MLXIPL: variants seen among roughly 807,000 people sequenced by gnomAD.
The protein encoded by MLXIPL is carbohydrate-responsive element-binding protein.
MLXIPL carries 49 observed loss-of-function variants against 81.5 expected under a neutral mutation model. The observed-to-expected ratio is 0.60, with a 90% CI of 0.48 to 0.76. The LOEUF (loss-of-function observed/expected upper bound fraction) is 0.76, where lower values mean the gene tolerates loss of function less well. Among genes scored for constraint, MLXIPL ranks in the 30% least tolerant of loss-of-function variants. MLXIPL has a pLI of 0.00. For synonymous variants in MLXIPL, 466 were observed against 485.5 expected, an observed-to-expected ratio of 0.96 and a Z score of 0.53; for missense variants, 1,053 against 1,167.0, an observed-to-expected ratio of 0.90 and a Z score of 1.42.
intron 5 of MLXIPL, chr7:73,606,641 G>T: frequency 2.8e-6 from 1 of 359,504 alleles, no homozygotes; most frequent in East Asian, 6.6e-5. Context: ...GGCCAGGCTG[G>T]TCTCGAACTC....
chr7:73,599,598 A>C lies in MLXIPL; in HGVS notation c.999T>G (p.Ser333Arg). 1 of 1,612,550 alleles carries C rather than the reference A, an allele frequency of 6.2e-7. No individual in the cohort carries two copies. The highest frequency in any genetic ancestry group is 8.5e-7 in the Non-Finnish European group (1 of 1,179,166). ...GGGGCACCTCTGGGCCCAGGGTCCC[A>C]CTGCTGAAGAGGGAGTCAACCACGG... ...FSPVVDSLFS[S>R]GTLGPEVPPA... The change falls in exon 8 of 17, where the codon AGT becomes AGG. Residue 333 changes from serine to arginine, a missense_variant. Transcript: ENST00000313375.
Position 73,597,187 on chromosome 7 carries a change from G to A in MLXIPL, c.1598C>T (p.Thr533Ile). 1 of 1,603,304 alleles carries A rather than the reference G, an allele frequency of 6.2e-7. No homozygotes were observed. Among genetic ancestry groups the A allele is most frequent in the South Asian group, 1.1e-5 (1 of 89,448 alleles). Residue 533 changes from threonine to isoleucine, a missense_variant, in exon 9 of 17, where the codon ACA (threonine) becomes ATA (isoleucine). Transcript: ENST00000313375. Reference sequence around the variant, plus strand: ...TCCCCGTTGCTGGCCCTCACCTGCTGTGAGCAGCTGTGTGAGGCAGGGGTT... The same window carrying A: ...TCCCCGTTGCTGGCCCTCACCTGCTATGAGCAGCTGTGTGAGGCAGGGGTT... ...SNNPCLTQLL[T>I]AAKPEQALEP...
At chr7:73,599,937 G>A (rs1215910337) in intron 7 of MLXIPL, among the ~76,000 whole-genome samples, 1 of 152,040 alleles carries the variant, frequency 6.6e-6, no homozygotes, top group East Asian at 1.9e-4. Context: ...GACTGTGGAT[G>A]TGAACAGGGA....
chr7:73,618,050 T>C (rs913486412), intron 1 of MLXIPL, among the ~76,000 whole-genome samples: 2 of 152,160 alleles, frequency 1.3e-5, no homozygotes, highest in African/African-American at 2.4e-5. Flanking sequence ...GCCTTTTGCA[T>C]CCCTTACTCA....
At chr7:73,638,941 A>G in the MLXIPL span, among the ~76,000 whole-genome samples, 2 of 152,048 alleles carry the variant, frequency 1.3e-5, no homozygotes, top group African/African-American at 2.4e-5. Flanking sequence ...TTCCCAACCC[A>G]GTACTTTTTG....
rs367897154 is a variant in MLXIPL, at chr7:73,613,757, T to A, written c.400+2314A>T. 6.6e-5 allele frequency among the ~76,000 whole-genome samples: 10 copies of A among 152,288 alleles called. No homozygotes were observed. The East Asian group carries it at 1.9e-3, about 29-fold the overall frequency. ...ACTCTGTCTGATTCCGAACCTGGGG[T>A]CCTTCCAGCAACTTGTGCAATAGCT... is the stretch of plus-strand genomic sequence containing the variant. On this transcript the variant is annotated intron_variant, in intron 2 of 16. Transcript: ENST00000313375.
chr7:73,633,438 T>C, the MLXIPL span, among the ~76,000 whole-genome samples: 2 of 151,460 alleles, frequency 1.3e-5, no homozygotes, highest in African/African-American at 4.9e-5. Flanking sequence ...TTGACCTCCT[T>C]GGGCTCAAGC....
Position 73,597,708 on chromosome 7 carries a change from C to T in MLXIPL, c.1077G>A (p.Arg359=). The T allele has an allele frequency of 7.5e-7, 1 of 1,341,920 alleles. No homozygotes were observed. The highest frequency in any genetic ancestry group is 9.5e-7 in the Non-Finnish European group (1 of 1,049,612). The allele number at this position is 1,341,920 out of a possible 1,614,324, so 83.1% of individuals were successfully genotyped here. ...HLSGHSRLQA[R]NSCPGPLDSS... ...AGTCCAAGGGGCCAGGGCAGCTGTT[C>T]CGAGCCTGGTTGGGGGGACAGACAG... The change falls in exon 9 of 17, where the codon CGG becomes CGA. Residue 359 remains arginine (R), a synonymous_variant. Coordinates refer to ENST00000313375, the MANE Select transcript of MLXIPL (RefSeq NM_032951.3).
At chr7:73,605,658 C>G (rs201789017) in intron 7 of MLXIPL, 30 bp downstream of exon 7, 95 of 1,611,500 alleles carry the variant, frequency 5.9e-5, no homozygotes, top group Non-Finnish European at 7.6e-5. Flanking sequence ...CCCTGCCCGT[C>G]CACCCGACCT....
At chr7:73,612,664 G>GTC (rs1220694508) in intron 2 of MLXIPL, among the ~76,000 whole-genome samples, 2 of 149,338 alleles carry the variant, frequency 1.3e-5, no homozygotes, top group African/African-American at 4.9e-5. Flanking sequence ...AAAAAAGTTT[G>GTC]TCCAGGGCTC....
chr7:73,615,064 C>G (rs1330808423), intron 2 of MLXIPL, among the ~76,000 whole-genome samples: 1 of 152,134 alleles, frequency 6.6e-6, no homozygotes, highest in Non-Finnish European at 1.5e-5. Flanking sequence ...CCCGCCTTGG[C>G]CTTCCAAAGT....
Position 73,596,358 on chromosome 7 carries a change from G to A in MLXIPL, c.1938+6C>T, listed in dbSNP as rs1794300537. The A allele has an allele frequency of 6.2e-7, 1 of 1,612,622 alleles. No individual in the cohort carries two copies. ...AACCGATCTTGGGGTGGGGGATGGT[G>A]CCCACCTTGTTGCTGTCTGGACGGC... is the stretch of plus-strand genomic sequence containing the variant. On this transcript the variant is annotated splice_donor_region_variant and intron_variant, in intron 12 of 16. Transcript: ENST00000313375. This position sits in a 1 kb window ranked among gnomAD's most constrained non-coding sequence, Gnocchi z 4.7.
At chr7:73,630,949 C>T in the MLXIPL span, among the ~76,000 whole-genome samples, 10 of 152,060 alleles carry the variant, frequency 6.6e-5, no homozygotes, top group Non-Finnish European at 8.8e-5. Context: ...CTGGAGATGC[C>T]CCGGATGCCT....
At chr7:73,594,696 G>A (rs1794128760) in intron 15 of MLXIPL, among the ~76,000 whole-genome samples, 1 of 148,496 alleles carries the variant, frequency 6.7e-6, no homozygotes, top group Admixed American at 6.7e-5. Context: ...TTACAGGTGT[G>A]CGCCACCACA....
chr7:73,639,555 G>A, the MLXIPL span, among the ~76,000 whole-genome samples: 1 of 151,838 alleles, frequency 6.6e-6, no homozygotes, highest in Non-Finnish European at 1.5e-5. Flanking sequence ...GAGGCAGGAG[G>A]ATCGTCTGAG....
chr7:73,594,553 CTTT>C (rs782303521), intron 15 of MLXIPL, 150 bp from the exon 16 acceptor site: 82 of 748,014 alleles, frequency 1.1e-4, no homozygotes, highest in Middle Eastern at 3.2e-4. Flanking sequence ...CCTACTTCTT[CTTT>C]TTTTTTTTTT....
chr7:73,601,176 A>AGTGTGTGTGTGTGTGTGTGT (rs55639253), intron 7 of MLXIPL, among the ~76,000 whole-genome samples: 59 of 137,724 alleles, frequency 4.3e-4, no homozygotes, highest in African/African-American at 1.4e-3. Flanking sequence ...TGCAGGGTCA[A>AGTGTGTGTGTGTGTGTGTGT]GTGTGTGTGT....
At chr7:73,628,291 G>A (rs147172243), upstream of MLXIPL, among the ~76,000 whole-genome samples, 24 of 152,244 alleles carry the variant, frequency 1.6e-4, no homozygotes, top group South Asian at 4.2e-4. Flanking sequence ...GGAAGATTAT[G>A]AGTGAATTCT....
At chr7:73,627,295 C>A (rs1049005325), upstream of MLXIPL, among the ~76,000 whole-genome samples, 9 of 149,552 alleles carry the variant, frequency 6.0e-5, no homozygotes, top group Non-Finnish European at 1.2e-4. Flanking sequence ...GTCACCCAGA[C>A]TGGAGTGCAG....
Sources: allele counts gnomAD v4.1 joint callset (sites outside exome capture counted in the v4.1 genomes callset), GRCh38; gene constraint gnomAD v4.1.1; non-coding constraint Gnocchi (gnomAD v3.1); transcripts MANE v1.5; gene names NCBI Gene and HGNC (gene_info 2026-07-23, HGNC 2026-07-21).